PTPRD: variants seen among roughly 807,000 people sequenced by gnomAD.
The protein encoded by PTPRD is receptor-type tyrosine-protein phosphatase delta.
Under a neutral mutation model 214.5 loss-of-function variants are expected in PTPRD, and 34 were observed. The ratio of observed to expected loss-of-function variants is 0.16; its 90% CI spans 0.12 to 0.21. The LOEUF (loss-of-function observed/expected upper bound fraction) is 0.21, where lower values mean the gene tolerates loss of function less well. Ranked by LOEUF, PTPRD falls within the 10% of genes least tolerant of loss-of-function variation. PTPRD has a pLI of 1.00. For synonymous variants in PTPRD, 1,128 were observed against 845.7 expected (o/e 1.33, Z -5.79); for missense variants, 2,545 against 2,398.7 (o/e 1.06, Z -1.27).
chr9:10,572,581 A>G (rs1188330503), intron 2 of PTPRD, among the ~76,000 whole-genome samples: 1 of 152,216 alleles, frequency 6.6e-6, no homozygotes, highest in Admixed American at 6.5e-5. Context: ...GTCAGCATGT[A>G]GATGGGGGAG....
intron 24 of PTPRD, 116 bp downstream of exon 24, chr9:8,500,638 C>T (rs1293560837): frequency 1.4e-5 from 8 of 572,398 alleles, no homozygotes; most frequent in South Asian, 3.8e-5. Context: ...ACTAAAGTAA[C>T]AGCAATGCTG....
At chr9:9,635,680 A>G (rs2154362486) in intron 7 of PTPRD, among the ~76,000 whole-genome samples, 1 of 152,196 alleles carries the variant, frequency 6.6e-6, no homozygotes, top group East Asian at 1.9e-4. Context: ...GAGTCTCAAC[A>G]TGGTTCATTT....
intron 10 of PTPRD, among the ~76,000 whole-genome samples, chr9:9,157,057 T>G (rs562518212): frequency 1.3e-5 from 2 of 152,276 alleles, no homozygotes; most frequent in South Asian, 4.1e-4. Context: ...TCTATTAATC[T>G]CCACTCTGTG....
intron 6 of PTPRD, among the ~76,000 whole-genome samples, chr9:9,756,924 G>A (rs375329489): frequency 5.3e-5 from 8 of 152,080 alleles, no homozygotes; most frequent in East Asian, 1.9e-4. Flanking sequence ...CATGCTAGTC[G>A]TTTTCAAATT....
At chr9:8,721,577 A>C (rs55840753) in intron 12 of PTPRD, among the ~76,000 whole-genome samples, 15,708 of 152,208 alleles carry the variant, frequency 0.1, 2,539 homozygotes, top group African/African-American at 0.34. Flanking sequence ...ATACCATAAA[A>C]TAGTTTATAA....
intron 36 of PTPRD, among the ~76,000 whole-genome samples, chr9:8,392,197 A>T (rs1368693683): frequency 6.6e-6 from 1 of 152,066 alleles, no homozygotes; most frequent in African/African-American, 2.4e-5. Context: ...CAGTCTGAGC[A>T]ACATGGTGAG....
chr9:8,997,588 C>G (rs2099401863), intron 11 of PTPRD, among the ~76,000 whole-genome samples: 2 of 152,058 alleles, frequency 1.3e-5, no homozygotes, highest in Admixed American at 1.3e-4. Context: ...TCTTGCACCT[C>G]CCTGTTCGCT....
chr9:8,328,253 A>AT (rs1357840997), intron 44 of PTPRD, among the ~76,000 whole-genome samples: 3 of 152,016 alleles, frequency 2.0e-5, no homozygotes, highest in African/African-American at 7.3e-5. Context: ...TCTGAAAAGG[A>AT]TTTTATTTCT....
rs560735077 is a variant in PTPRD, at chr9:9,510,911, T to G, written c.-237+63821A>C. ...AGGAAAGTTTAATCACTACTTGGTT[T>G]TAATTTTCTCCATTTAATTTTTCTA... On this transcript the variant is annotated intron_variant, in intron 8 of 45. Transcript: ENST00000381196. Among the ~76,000 whole-genome samples the G allele has an allele frequency of 2.0e-5, 3 of 151,904 alleles. No individual in the cohort carries two copies. In the East Asian group the frequency reaches 5.8e-4, roughly 29 times the overall value.
At chr9:8,955,290 G>C (rs989517886) in intron 11 of PTPRD, among the ~76,000 whole-genome samples, 5 of 151,842 alleles carry the variant, frequency 3.3e-5, no homozygotes, top group African/African-American at 1.2e-4. Context: ...TGGATTCCTG[G>C]AGACAGGAGA....
chr9:9,923,114 TGTGTGGGGG>T (rs901352912), intron 5 of PTPRD, among the ~76,000 whole-genome samples: 41 of 102,138 alleles, frequency 4.0e-4, no homozygotes, highest in African/African-American at 2.5e-3. Flanking sequence ...AAGGACTGTG[TGTGTGGGGG>T]GTGTGTGTGT....
chr9:8,582,068 T>C (rs1215715748), intron 14 of PTPRD, among the ~76,000 whole-genome samples: 3 of 151,824 alleles, frequency 2.0e-5, no homozygotes, highest in Non-Finnish European at 4.4e-5. Context: ...AAATATAAAC[T>C]ATTGGAAGTG....
chr9:10,098,329 A>C (rs1201993223), intron 3 of PTPRD, among the ~76,000 whole-genome samples: 1 of 122,432 alleles, frequency 8.2e-6, no homozygotes, highest in African/African-American at 3.1e-5. Flanking sequence ...AACATCACAC[A>C]CCAGGGATGG....
intron 35 of PTPRD, among the ~76,000 whole-genome samples, chr9:8,426,456 C>G (rs1218264209): frequency 6.6e-6 from 1 of 152,168 alleles, no homozygotes; most frequent in African/African-American, 2.4e-5. Context: ...TAAAGAGTGT[C>G]TTTTTTCAGT....
chr9:10,002,849 A>T (rs1488621790), intron 4 of PTPRD, among the ~76,000 whole-genome samples: 1 of 151,732 alleles, frequency 6.6e-6, no homozygotes, highest in Non-Finnish European at 1.5e-5. Context: ...TCTGTAGAAG[A>T]TATTTCATAC....
intron 12 of PTPRD, among the ~76,000 whole-genome samples, chr9:8,651,835 G>A (rs1354666600): frequency 1.3e-5 from 2 of 152,288 alleles, no homozygotes; most frequent in Middle Eastern, 3.4e-3. Flanking sequence ...CCTGGTAAGA[G>A]AACTTGGATA....
At chr9:9,009,152 T>A (rs1447390169) in intron 11 of PTPRD, among the ~76,000 whole-genome samples, 1 of 152,316 alleles carries the variant, frequency 6.6e-6, no homozygotes, top group South Asian at 2.1e-4. Context: ...TTTAGGATTT[T>A]TTTTTCCAAT....
At chr9:10,013,162 T>C (rs1332802005) in intron 4 of PTPRD, among the ~76,000 whole-genome samples, 1 of 151,828 alleles carries the variant, frequency 6.6e-6, no homozygotes, top group Non-Finnish European at 1.5e-5. Context: ...TAAGTCTTTA[T>C]TGTCATGATT....
At chr9:10,065,288 G>A (rs548024294) in intron 3 of PTPRD, among the ~76,000 whole-genome samples, 27 of 151,904 alleles carry the variant, frequency 1.8e-4, no homozygotes, top group Non-Finnish European at 3.4e-4. Context: ...TTGGCGCAGA[G>A]TTGCACGATG....
Sources: allele counts gnomAD v4.1 joint callset (sites outside exome capture counted in the v4.1 genomes callset), GRCh38; gene constraint gnomAD v4.1.1; transcripts MANE v1.5; gene names NCBI Gene and HGNC (gene_info 2026-07-23, HGNC 2026-07-21).